AMPH: variants seen among roughly 807,000 people sequenced by gnomAD.
The protein encoded by AMPH is amphiphysin, also known as amphiphysin (Stiff-Mann syndrome with breast cancer 128kD autoantigen).
Under a neutral mutation model 99.1 loss-of-function variants are expected in AMPH, and 49 were observed. The observed-to-expected ratio is 0.49, with a 90% CI of 0.39 to 0.63. The LOEUF (loss-of-function observed/expected upper bound fraction) is 0.63, where lower values mean the gene tolerates loss of function less well. AMPH is among the 20% of genes least tolerant of loss of function. The pLI is 0.00. For missense variants in AMPH, 759 were observed against 863.4 expected (o/e 0.88, Z 1.52); for synonymous variants, 314 against 317.3 (o/e 0.99, Z 0.11).
intron 2 of AMPH, among the ~76,000 whole-genome samples, chr7:38,505,119 G>A (rs1413237260): frequency 6.6e-6 from 1 of 152,120 alleles, no homozygotes; most frequent in Non-Finnish European, 1.5e-5. Flanking sequence ...ATTTAGCATT[G>A]CAACAGCCAT....
chr7:38,592,730 CAA>C (rs397755917), intron 1 of AMPH, among the ~76,000 whole-genome samples: 72 of 98,652 alleles, frequency 7.3e-4, no homozygotes, highest in Middle Eastern at 6.5e-3. Flanking sequence ...GACTCCGTCT[CAA>C]AAAAAAAAAA....
In AMPH at chr7:38,422,409, A is replaced by T. The variant is rs1214105797; in HGVS notation, c.1272+12T>A. On this transcript the variant is annotated intron_variant, in intron 16 of 20. Transcript: ENST00000356264. ...AACAACTTCCTGAGAGCACAAACCCAAATCAACTTACCAAGTTGCAGATCA... is the reference window on the plus strand; with the variant it reads ...AACAACTTCCTGAGAGCACAAACCCTAATCAACTTACCAAGTTGCAGATCA... 6.2e-7 allele frequency: 1 copy of T among 1,611,440 alleles called. No individual in the cohort carries two copies. Among genetic ancestry groups the T allele is most frequent in the Admixed American group, 1.7e-5 (1 of 59,944 alleles).
At chr7:38,389,498 T>C (rs181534359) in intron 20 of AMPH, among the ~76,000 whole-genome samples, 7 of 152,308 alleles carry the variant, frequency 4.6e-5, no homozygotes, top group Non-Finnish European at 5.9e-5. Context: ...AGGGGTCTTT[T>C]AGTTCACATT....
At chr7:38,391,232 CT>C (rs1303540324) in intron 19 of AMPH, among the ~76,000 whole-genome samples, 8 of 152,232 alleles carry the variant, frequency 5.3e-5, no homozygotes, top group African/African-American at 1.7e-4. Context: ...GCAAAACCTT[CT>C]TCCCATTAAC....
intron 3 of AMPH, among the ~76,000 whole-genome samples, chr7:38,499,012 C>T (rs976200942): frequency 8.5e-5 from 13 of 152,160 alleles, no homozygotes; most frequent in Admixed American, 6.5e-5. Context: ...AACCTAATGA[C>T]TTGATGGCCA....
chr7:38,431,853 C>G (rs1293645991), intron 13 of AMPH, among the ~76,000 whole-genome samples: 1 of 152,050 alleles, frequency 6.6e-6, no homozygotes, highest in Non-Finnish European at 1.5e-5. Context: ...TTCACACTTT[C>G]CTTGTCTTCT....
chr7:38,387,200 G>A (rs1259099193), intron 20 of AMPH, among the ~76,000 whole-genome samples: 8 of 152,156 alleles, frequency 5.3e-5, no homozygotes, highest in Non-Finnish European at 1.2e-4. Flanking sequence ...TCTTTACCAC[G>A]TATGGTCTAC....
At chr7:38,560,722 A>G (rs1208463175) in intron 1 of AMPH, among the ~76,000 whole-genome samples, 1 of 152,156 alleles carries the variant, frequency 6.6e-6, no homozygotes, top group Non-Finnish European at 1.5e-5. Context: ...CCTCATTCCC[A>G]ACAGTTTTGA....
At chr7:38,419,809 G>A (rs1785519852) in intron 16 of AMPH, among the ~76,000 whole-genome samples, 1 of 152,182 alleles carries the variant, frequency 6.6e-6, no homozygotes, top group Non-Finnish European at 1.5e-5. Flanking sequence ...GAAGCCAGAT[G>A]AGAAGCCAAG....
At chr7:38,617,893 C>T (rs1277745961) in intron 1 of AMPH, among the ~76,000 whole-genome samples, 2 of 151,702 alleles carry the variant, frequency 1.3e-5, no homozygotes, top group Non-Finnish European at 2.9e-5. Flanking sequence ...GAGTATGAAA[C>T]ATTTCCTCAA....
Position 38,628,837 on chromosome 7 carries a change from A to C in AMPH, c.69+2446T>G, listed in dbSNP as rs146785080. ...ATACATTTCAGCCTTTCTCCAATGA[A>C]TCTTCACTGACTTTCAGTAAGAAAA... is the stretch of plus-strand genomic sequence containing the variant. On this transcript the variant is annotated intron_variant, in intron 1 of 20. Transcript: ENST00000356264. Among the ~76,000 whole-genome samples, 330 of 152,282 alleles carry C rather than the reference A, an allele frequency of 2.2e-3. 3 individuals are homozygous for C. The highest frequency in any genetic ancestry group is 0.013 in the East Asian group (69 of 5,192).
At chr7:38,582,910 CACA>C (rs1792517688) in intron 1 of AMPH, among the ~76,000 whole-genome samples, 1 of 152,192 alleles carries the variant, frequency 6.6e-6, no homozygotes, top group Non-Finnish European at 1.5e-5. Context: ...TTCACTCAAG[CACA>C]ATTTGGTCCA....
intron 1 of AMPH, among the ~76,000 whole-genome samples, chr7:38,611,457 G>A (rs1424189140): frequency 6.6e-6 from 1 of 152,200 alleles, no homozygotes; most frequent in Non-Finnish European, 1.5e-5. Flanking sequence ...CAAATCTCAT[G>A]TTAAGTGTTC....
chr7:38,587,217 C>T (rs1465616925), intron 1 of AMPH, among the ~76,000 whole-genome samples: 13 of 152,146 alleles, frequency 8.5e-5, no homozygotes, highest in African/African-American at 2.4e-5. Context: ...GACACTGAGT[C>T]GACACTGTTT....
intron 17 of AMPH, among the ~76,000 whole-genome samples, chr7:38,404,947 G>A (rs1440262437): frequency 2.0e-5 from 3 of 152,008 alleles, no homozygotes; most frequent in African/African-American, 7.3e-5. Flanking sequence ...AAATCTTAAA[G>A]GCAGCTAGAG....
intron 2 of AMPH, among the ~76,000 whole-genome samples, chr7:38,522,147 T>C (rs556508549): frequency 1.4e-4 from 21 of 152,316 alleles, no homozygotes; most frequent in African/African-American, 5.1e-4. Context: ...TTAATTCTTT[T>C]AGAGTAAATG....
chr7:38,456,381 C>A (rs1286006576), intron 11 of AMPH, among the ~76,000 whole-genome samples: 1 of 152,194 alleles, frequency 6.6e-6, no homozygotes. Context: ...CATGTCACAA[C>A]CAGTGTCAAT....
chr7:38,626,870 A>G (rs1470704079), intron 1 of AMPH, among the ~76,000 whole-genome samples: 1 of 148,760 alleles, frequency 6.7e-6, no homozygotes, highest in Non-Finnish European at 1.5e-5. Flanking sequence ...AAGGATATAC[A>G]GTTTTTCATG....
chr7:38,482,560 T>C (rs1054856057), intron 5 of AMPH, among the ~76,000 whole-genome samples: 1 of 152,162 alleles, frequency 6.6e-6, no homozygotes, highest in African/African-American at 2.4e-5. Context: ...TGAAATTACA[T>C]GCTCCTAGAC....
Sources: gnomAD v4.1 joint callset for allele counts (sites outside exome capture counted in the v4.1 genomes callset) on GRCh38, gnomAD v4.1.1 for gene constraint, MANE v1.5 for transcripts, NCBI Gene and HGNC (gene_info 2026-07-23, HGNC 2026-07-21) for gene names.